The following RALYL variants were observed in gnomAD, a reference collection of about 807,000 sequenced individuals.
The protein encoded by RALYL is RALY RNA binding protein like.
Under a neutral mutation model 35.1 loss-of-function variants are expected in RALYL, and 29 were observed. The observed-to-expected ratio is 0.83, with a 90% confidence interval of 0.61 to 1.13. The LOEUF (loss-of-function observed/expected upper bound fraction) is 1.13. RALYL is among the 50% of genes most tolerant of loss of function. The probability of loss-of-function intolerance (pLI) is 0.00; values close to 1 mark genes in which losing one functional copy is unlikely to be tolerated. For synonymous variants in RALYL, 120 were observed against 127.6 expected, an observed-to-expected ratio of 0.94 and a Z score of 0.40; for missense variants, 359 against 360.4, an observed-to-expected ratio of 1.00 and a Z score of 0.03.
intron 1 of RALYL, among the ~76,000 whole-genome samples, chr8:84,496,483 G>A (rs548148351): frequency 1.3e-5 from 2 of 152,084 alleles, no homozygotes; most frequent in Middle Eastern, 6.8e-3. Context: ...CCCCTATAAT[G>A]TGATCATCTC....
chr8:84,438,956 T>TC (rs1554667951), intron 1 of RALYL, among the ~76,000 whole-genome samples: 5 of 151,850 alleles, frequency 3.3e-5, no homozygotes, highest in Admixed American at 6.6e-5. Flanking sequence ...CTTTTTTTTT[T>TC]ATCAGTACCA....
chr8:84,414,860 A>G lies in RALYL; in HGVS notation c.-23-114439A>G, dbSNP rs181609797. ...GCTCAGGAAACATGGGCCAAGAGAG[A>G]TGAATGTTCTGCTTCTTCAGTGGTT... On this transcript the variant is annotated intron_variant, in intron 1 of 8. Coordinates refer to ENST00000521268, the MANE Select transcript of RALYL (RefSeq NM_173848.7). Among the ~76,000 whole-genome samples, 288 of 152,272 alleles carry G rather than the reference A, an allele frequency of 1.9e-3. 1 individual carries two copies. Among genetic ancestry groups the G allele is most frequent in the African/African-American group, 6.8e-3 (281 of 41,568 alleles).
chr8:84,821,184 G>A (rs1304264437), intron 4 of RALYL, among the ~76,000 whole-genome samples: 1 of 152,124 alleles, frequency 6.6e-6, no homozygotes, highest in Non-Finnish European at 1.5e-5. Context: ...AGTTTAAACA[G>A]CATTTATTTC....
intron 1 of RALYL, among the ~76,000 whole-genome samples, chr8:84,316,175 A>G (rs1843715999): frequency 2.0e-5 from 3 of 152,028 alleles, no homozygotes; most frequent in African/African-American, 7.2e-5. Flanking sequence ...AACAACTATA[A>G]CTTTGTTTGC....
At chr8:84,397,717 C>T (rs547219346) in intron 1 of RALYL, among the ~76,000 whole-genome samples, 1 of 152,292 alleles carries the variant, frequency 6.6e-6, no homozygotes, top group African/African-American at 2.4e-5. Context: ...GTTTCTTCAA[C>T]TGTCACACAT....
At chr8:84,643,204 G>A (rs1035645628) in intron 2 of RALYL, among the ~76,000 whole-genome samples, 2 of 151,122 alleles carry the variant, frequency 1.3e-5, no homozygotes, top group Admixed American at 1.3e-4. Flanking sequence ...ACCCCCAAAA[G>A]TCAGCTGAGT....
At chr8:84,766,252 A>G (rs1406020369) in intron 2 of RALYL, among the ~76,000 whole-genome samples, 2 of 152,168 alleles carry the variant, frequency 1.3e-5, no homozygotes, top group Non-Finnish European at 2.9e-5. Context: ...AATATCCTAA[A>G]TTCATGTATA....
chr8:84,321,872 C>T (rs559485581), intron 1 of RALYL, among the ~76,000 whole-genome samples: 1 of 152,104 alleles, frequency 6.6e-6, no homozygotes, highest in Admixed American at 6.5e-5. Flanking sequence ...GCTGAAGTAT[C>T]TATTATGATT....
At chr8:84,674,386 C>A (rs538118504) in intron 2 of RALYL, among the ~76,000 whole-genome samples, 1 of 152,034 alleles carries the variant, frequency 6.6e-6, no homozygotes, top group Non-Finnish European at 1.5e-5. Context: ...GCCTGATTGC[C>A]CTGGCCAGAA....
chr8:84,735,005 TTGTG>T (rs3068131), intron 2 of RALYL, among the ~76,000 whole-genome samples: 35,430 of 146,498 alleles, frequency 0.24, 4,298 homozygotes, highest in Non-Finnish European at 0.25. Flanking sequence ...ATAGATATGT[TTGTG>T]TGTGTGTGTG....
At chr8:84,645,544 T>C (rs777895568) in intron 2 of RALYL, among the ~76,000 whole-genome samples, 9 of 152,048 alleles carry the variant, frequency 5.9e-5, no homozygotes, top group Admixed American at 6.6e-5. Context: ...TTTTAAGTTT[T>C]ATTTTTGTGA....
intron 4 of RALYL, among the ~76,000 whole-genome samples, chr8:84,824,080 T>C (rs191754152): frequency 6.6e-6 from 1 of 152,240 alleles, no homozygotes; most frequent in East Asian, 1.9e-4. Context: ...TCTTCACAGA[T>C]GACAAGATTT....
intron 2 of RALYL, among the ~76,000 whole-genome samples, chr8:84,730,794 G>C (rs1275965134): frequency 1.3e-5 from 2 of 152,006 alleles, no homozygotes; most frequent in Non-Finnish European, 2.9e-5. Flanking sequence ...AAAGCCACAA[G>C]ACTAGAAGCA....
intron 2 of RALYL, among the ~76,000 whole-genome samples, chr8:84,542,966 T>G (rs1320969409): frequency 6.6e-6 from 1 of 152,146 alleles, no homozygotes; most frequent in Non-Finnish European, 1.5e-5. Context: ...CCCCTTGTAT[T>G]TTATGTTGAA....
intron 2 of RALYL, among the ~76,000 whole-genome samples, chr8:84,700,579 C>T (rs1840014699): frequency 6.6e-6 from 1 of 152,092 alleles, no homozygotes; most frequent in African/African-American, 2.4e-5. Context: ...TGAACCAATA[C>T]CACAAATGAA....
At chr8:84,237,947 T>C (rs889859769) in intron 1 of RALYL, among the ~76,000 whole-genome samples, 2 of 149,484 alleles carry the variant, frequency 1.3e-5, no homozygotes, top group African/African-American at 4.9e-5. Context: ...ATGAAAGTAA[T>C]TGGAAATCAG....
intron 1 of RALYL, among the ~76,000 whole-genome samples, chr8:84,449,423 T>C (rs2049211511): frequency 6.6e-6 from 1 of 151,978 alleles, no homozygotes; most frequent in Non-Finnish European, 1.5e-5. Context: ...TAAAACCCCT[T>C]TCATTTATGG....
At chr8:84,427,888 A>G (rs1260681957) in intron 1 of RALYL, among the ~76,000 whole-genome samples, 1 of 152,150 alleles carries the variant, frequency 6.6e-6, no homozygotes, top group East Asian at 1.9e-4. Context: ...TATACAGGTC[A>G]CTGCTTTCAT....
intron 1 of RALYL, among the ~76,000 whole-genome samples, chr8:84,216,565 G>T (rs1345314577): frequency 6.6e-6 from 1 of 152,128 alleles, no homozygotes; most frequent in Non-Finnish European, 1.5e-5. Flanking sequence ...CGTGTGGCAA[G>T]AATAGCTAAA....
Sources: gnomAD v4.1 joint callset for allele counts (sites outside exome capture counted in the v4.1 genomes callset) on GRCh38, gnomAD v4.1.1 for gene constraint, MANE v1.5 for transcripts, NCBI Gene and HGNC (gene_info 2026-07-23, HGNC 2026-07-21) for gene names.